TENM4: variants seen among roughly 807,000 people sequenced by gnomAD.
The protein encoded by TENM4 is teneurin transmembrane protein 4.
A neutral mutation model predicts 243.3 loss-of-function variants in TENM4; 82 were observed. That is an observed-to-expected ratio of 0.34 (90% CI 0.28 to 0.40). The LOEUF (loss-of-function observed/expected upper bound fraction) is 0.40. Among genes scored for constraint, TENM4 ranks in the 10% least tolerant of loss-of-function variants. The probability of loss-of-function intolerance (pLI) is 1.00; values close to 1 mark genes in which losing one functional copy is unlikely to be tolerated. For synonymous variants in TENM4, 1,412 were observed against 1,456.3 expected (o/e 0.97, Z 0.69); for missense variants, 3,138 against 3,673.3 (o/e 0.85, Z 3.77).
rs184919668 is a variant in TENM4, at chr11:79,418,743, G to A, written c.-321+21766C>T. On this transcript the variant is annotated intron_variant, in intron 1 of 33. Coordinates refer to ENST00000278550, the MANE Select transcript of TENM4 (RefSeq NM_001098816.3). ...CTGCCCCCATGCAGAGGTGGCTCTTGTATGTCCCCTGTACATTTACACCCC... is the reference window on the plus strand; with the variant it reads ...CTGCCCCCATGCAGAGGTGGCTCTTATATGTCCCCTGTACATTTACACCCC... Among the ~76,000 whole-genome samples, 289 of 152,290 alleles carry A rather than the reference G, an allele frequency of 1.9e-3. 1 individual carries two copies. The highest frequency in any genetic ancestry group is 3.4e-3 in the Non-Finnish European group (233 of 68,024).
chr11:79,135,730 TG>T (rs950671540), intron 4 of TENM4, among the ~76,000 whole-genome samples: 43 of 136,742 alleles, frequency 3.1e-4, no homozygotes, highest in African/African-American at 1.0e-3. Context: ...CATACATATA[TG>T]ATATATACAT....
chr11:79,185,965 A>G (rs1863373366), intron 3 of TENM4, among the ~76,000 whole-genome samples: 1 of 152,178 alleles, frequency 6.6e-6, no homozygotes, highest in South Asian at 2.1e-4. Context: ...TTTTACATGT[A>G]TAGAAGGGTT....
At chr11:79,278,959 G>T (rs753173353) in intron 2 of TENM4, among the ~76,000 whole-genome samples, 1 of 152,146 alleles carries the variant, frequency 6.6e-6, no homozygotes, top group South Asian at 2.1e-4. Flanking sequence ...CCAGACAAGC[G>T]CACAGGGCCC....
At chr11:79,381,502 T>A (rs1289878121) in intron 1 of TENM4, among the ~76,000 whole-genome samples, 1 of 151,364 alleles carries the variant, frequency 6.6e-6, no homozygotes, top group Non-Finnish European at 1.5e-5. Flanking sequence ...TGCTCACCAC[T>A]CAAGCGTTCA....
At chr11:78,848,312 A>C (rs1254897255) in intron 12 of TENM4, among the ~76,000 whole-genome samples, 1 of 152,156 alleles carries the variant, frequency 6.6e-6, no homozygotes, top group Non-Finnish European at 1.5e-5. Context: ...TAATACTTAA[A>C]GAATAAACTT....
At chr11:78,831,011 T>C (rs1857967758) in intron 12 of TENM4, among the ~76,000 whole-genome samples, 1 of 152,206 alleles carries the variant, frequency 6.6e-6, no homozygotes, top group South Asian at 2.1e-4. Context: ...ACTCATACAT[T>C]ATTTCATAAC....
chr11:79,217,523 G>A (rs187038812), intron 2 of TENM4, among the ~76,000 whole-genome samples: 153 of 152,176 alleles, frequency 1.0e-3, no homozygotes, highest in African/African-American at 3.3e-3. Context: ...AGGAATTGCT[G>A]GGAATTCCCA....
At chr11:79,407,890 A>G (rs1590944491) in intron 1 of TENM4, among the ~76,000 whole-genome samples, 1 of 147,454 alleles carries the variant, frequency 6.8e-6, no homozygotes, top group South Asian at 2.1e-4. Flanking sequence ...GAAGATTTGC[A>G]TTTTTTCTTT....
At chr11:79,307,964 C>T (rs1341663913) in intron 1 of TENM4, among the ~76,000 whole-genome samples, 1 of 152,260 alleles carries the variant, frequency 6.6e-6, no homozygotes, top group Non-Finnish European at 1.5e-5. Flanking sequence ...CTGGGCTTCT[C>T]AGACAGCTTC....
At chr11:79,098,646 C>T (rs886323085) in intron 4 of TENM4, among the ~76,000 whole-genome samples, 6 of 152,164 alleles carry the variant, frequency 3.9e-5, no homozygotes, top group African/African-American at 1.4e-4. Context: ...GGCTTGCAGA[C>T]GAAAAGTGTA....
chr11:79,122,331 AT>A (rs1861760928), intron 4 of TENM4, among the ~76,000 whole-genome samples: 1 of 152,242 alleles, frequency 6.6e-6, no homozygotes, highest in South Asian at 2.1e-4. Flanking sequence ...TAAGAAGAGA[AT>A]GGAGCTAATC....
intron 6 of TENM4, among the ~76,000 whole-genome samples, chr11:78,995,494 G>C (rs185812853): frequency 8.5e-5 from 13 of 152,222 alleles, no homozygotes; most frequent in African/African-American, 2.9e-4. Context: ...GAATTTGAAG[G>C]ACCCTTTCAT....
chr11:78,694,344 C>T (rs1858902114), intron 28 of TENM4, among the ~76,000 whole-genome samples: 1 of 152,204 alleles, frequency 6.6e-6, no homozygotes, highest in Non-Finnish European at 1.5e-5. Context: ...AATAGTTCCC[C>T]TGGCCCATGT....
intron 3 of TENM4, among the ~76,000 whole-genome samples, chr11:79,158,143 T>C (rs1862661982): frequency 6.6e-6 from 1 of 152,190 alleles, no homozygotes; most frequent in East Asian, 1.9e-4. Flanking sequence ...AATCTCTGCT[T>C]AGGACTTTCT....
At chr11:79,138,509 AAT>A (rs1454187797) in intron 4 of TENM4, among the ~76,000 whole-genome samples, 1 of 117,550 alleles carries the variant, frequency 8.5e-6, no homozygotes, top group Non-Finnish European at 1.6e-5. Context: ...AATATATTAA[AAT>A]ATATTATATT....
intron 1 of TENM4, among the ~76,000 whole-genome samples, chr11:79,437,710 GGCT>G (rs2135628146): frequency 6.6e-6 from 1 of 152,250 alleles, no homozygotes; most frequent in Non-Finnish European, 1.5e-5. Flanking sequence ...GCGCGGGCCC[GGCT>G]CGCCGGGAAA....
At chr11:78,712,445 A>G in intron 26 of TENM4, 37 bp downstream of exon 26, 1 of 1,575,872 alleles carries the variant, frequency 6.3e-7, no homozygotes, top group South Asian at 1.1e-5. Context: ...ATACCCCAAT[A>G]AATGTTATTG....
chr11:79,068,270 C>T, intron 5 of TENM4: 1 of 152,232 alleles, frequency 6.6e-6, no homozygotes, highest in East Asian at 1.9e-4. Context: ...ATCCTCACCA[C>T]CTATTAGGTA....
At chr11:79,077,663 C>G (rs958423379) in intron 4 of TENM4, among the ~76,000 whole-genome samples, 2 of 152,160 alleles carry the variant, frequency 1.3e-5, no homozygotes, top group Non-Finnish European at 2.9e-5. Context: ...AAAAATGAAC[C>G]TGGCACAGAC....
Sources: allele counts gnomAD v4.1 joint callset (sites outside exome capture counted in the v4.1 genomes callset), GRCh38; gene constraint gnomAD v4.1.1; transcripts MANE v1.5; gene names NCBI Gene and HGNC (gene_info 2026-07-23, HGNC 2026-07-21).